The following ADAMTS6 variants were observed in gnomAD, a reference collection of about 807,000 sequenced individuals.
The protein encoded by ADAMTS6 is ADAM metallopeptidase with thrombospondin type 1 motif 6.
ADAMTS6 carries 23 observed loss-of-function variants against 144.3 expected under a neutral mutation model. The observed-to-expected ratio is 0.16, with a 90% confidence interval of 0.11 to 0.23. The LOEUF is 0.23. ADAMTS6 is among the 10% of genes least tolerant of loss of function. ADAMTS6 has a pLI of 1.00. For missense variants in ADAMTS6, 999 were observed against 1,379.6 expected, an observed-to-expected ratio of 0.72 and a Z score of 4.37; for synonymous variants, 444 against 457.5, an observed-to-expected ratio of 0.97 and a Z score of 0.38.
At chr5:65,328,831 A>T (rs2150056252) in intron 9 of ADAMTS6, among the ~76,000 whole-genome samples, 1 of 152,164 alleles carries the variant, frequency 6.6e-6, no homozygotes, top group East Asian at 1.9e-4. Flanking sequence ...CACTTAAAAC[A>T]AACATTAAAA....
At chr5:65,396,948 C>G (rs1377899538) in intron 7 of ADAMTS6, among the ~76,000 whole-genome samples, 3 of 152,168 alleles carry the variant, frequency 2.0e-5, no homozygotes, top group African/African-American at 7.2e-5. Context: ...CAGAATTCAC[C>G]AGTGACTATC....
At chr5:65,318,066 C>A (rs1194569688) in intron 9 of ADAMTS6, among the ~76,000 whole-genome samples, 1 of 135,570 alleles carries the variant, frequency 7.4e-6, no homozygotes, top group Non-Finnish European at 1.5e-5. Context: ...CAGAGCAAGA[C>A]TCCATCTCAA....
At chr5:65,457,631 A>G (rs1434558518) in intron 4 of ADAMTS6, among the ~76,000 whole-genome samples, 1 of 152,182 alleles carries the variant, frequency 6.6e-6, no homozygotes, top group Non-Finnish European at 1.5e-5. Flanking sequence ...TTTTTGCAAA[A>G]GGTGATCTTC....
At chr5:65,326,040 A>T (rs1169219510) in intron 9 of ADAMTS6, among the ~76,000 whole-genome samples, 2 of 152,278 alleles carry the variant, frequency 1.3e-5, no homozygotes, top group Admixed American at 1.3e-4. Context: ...CTTTTAAAAG[A>T]AAATCCTGGA....
At chr5:65,191,705 AT>A (rs1046080746) in intron 21 of ADAMTS6, among the ~76,000 whole-genome samples, 2 of 151,990 alleles carry the variant, frequency 1.3e-5, no homozygotes, top group Non-Finnish European at 1.5e-5. Flanking sequence ...AATAAAAAGA[AT>A]TTTTTTTCAT....
In ADAMTS6 at chr5:65,188,019, A is replaced by T; in HGVS notation, c.2907T>A (p.Ser969=). The change falls in exon 22 of 25, where the codon TCT becomes TCA. Residue 969 remains serine (S), a synonymous_variant. Coordinates refer to ENST00000381055, the MANE Select transcript of ADAMTS6 (RefSeq NM_197941.4). ...CPPQWVALDW[S]ECTPKCGPGF... is the part of the protein sequence containing the mutation. ...ATATAGCCTCAGATTTCCTTACCTC[A>T]GACCAGTCCAAAGCCACCCACTGTG... is the stretch of plus-strand genomic sequence containing the variant. 1 of 1,614,092 alleles carries T rather than the reference A, an allele frequency of 6.2e-7. No homozygotes were observed. The highest frequency in any genetic ancestry group is 8.5e-7 in the Non-Finnish European group (1 of 1,179,950).
At chr5:65,476,817 G>C (rs558308359) in intron 1 of ADAMTS6, among the ~76,000 whole-genome samples, 1 of 152,138 alleles carries the variant, frequency 6.6e-6, no homozygotes, top group East Asian at 1.9e-4. Flanking sequence ...GTTTCACCGT[G>C]TTAGCCAGGA....
intron 7 of ADAMTS6, among the ~76,000 whole-genome samples, chr5:65,358,257 A>C (rs191047814): frequency 7.2e-5 from 11 of 152,106 alleles, no homozygotes; most frequent in Admixed American, 7.2e-4. Flanking sequence ...GCATTTGACA[A>C]AATCAACAAT....
At chr5:65,269,058 C>T (rs1272284980) in intron 12 of ADAMTS6, among the ~76,000 whole-genome samples, 2 of 152,134 alleles carry the variant, frequency 1.3e-5, no homozygotes, top group Non-Finnish European at 2.9e-5. Context: ...GTGAATATTT[C>T]ATCCATTTCT....
rs545499706 is a variant in ADAMTS6, at chr5:65,181,010, T to G, written c.2910+7006A>C. Among the ~76,000 whole-genome samples the G allele has an allele frequency of 7.0e-4, 106 of 152,202 alleles. 1 individual carries two copies. The highest frequency in any genetic ancestry group is 2.3e-3 in the African/African-American group (97 of 41,534). ...CTATAATTTATATAGTCCTTACAAC[T>G]CTCCTATGAGGTGGCAATTATTATT... On this transcript the variant is annotated intron_variant, in intron 22 of 24. Coordinates refer to ENST00000381055, the MANE Select transcript of ADAMTS6 (RefSeq NM_197941.4).
rs151314376 is a variant in ADAMTS6, at chr5:65,369,639, A to C, written c.1074-35554T>G. 5.7e-3 allele frequency among the ~76,000 whole-genome samples: 871 copies of C among 152,200 alleles called. 6 individuals carry two copies. Among genetic ancestry groups the C allele is most frequent in the African/African-American group, 0.02 (827 of 41,504 alleles). Reference sequence around the variant, plus strand: ...ACTAATAAATCAAGAAATTCTAAGCACTCATATAGCCTTATGATATCTCAT... The same window carrying C: ...ACTAATAAATCAAGAAATTCTAAGCCCTCATATAGCCTTATGATATCTCAT... On this transcript the variant is annotated intron_variant, in intron 7 of 24. Coordinates refer to ENST00000381055, the MANE Select transcript of ADAMTS6 (RefSeq NM_197941.4).
rs138351014 is a variant in ADAMTS6, at chr5:65,246,696, G to A, written c.1831-4490C>T. Among the ~76,000 whole-genome samples the A allele has an allele frequency of 2.1e-3, 320 of 152,264 alleles. 2 individuals carry two copies. Among genetic ancestry groups the A allele is most frequent in the African/African-American group, 7.3e-3 (304 of 41,566 alleles). ...CCTGAGGCAGGAGTGTATTCAGGGT[G>A]TTCACAGAATAGTATAGAGAATGGA... is the stretch of plus-strand genomic sequence containing the variant. On this transcript the variant is annotated intron_variant, in intron 14 of 24. Transcript: ENST00000381055.
intron 7 of ADAMTS6, among the ~76,000 whole-genome samples, chr5:65,423,980 G>A (rs905862071): frequency 2.0e-5 from 3 of 151,138 alleles, no homozygotes; most frequent in African/African-American, 7.3e-5. Context: ...TAAATATCAC[G>A]ATTAAAAAAA....
At chr5:65,206,438 A>G (rs901896444) in intron 20 of ADAMTS6, among the ~76,000 whole-genome samples, 1 of 152,168 alleles carries the variant, frequency 6.6e-6, no homozygotes, top group Admixed American at 6.5e-5. Context: ...CACAACATGT[A>G]TAAGAATCCA....
chr5:65,337,861 G>C (rs865940561), intron 7 of ADAMTS6, among the ~76,000 whole-genome samples: 1 of 152,082 alleles, frequency 6.6e-6, no homozygotes, highest in African/African-American at 2.4e-5. Flanking sequence ...AAGGAGTCTC[G>C]CTTTATCCCA....
At chr5:65,440,014 C>T (rs1757743909) in intron 7 of ADAMTS6, among the ~76,000 whole-genome samples, 2 of 151,928 alleles carry the variant, frequency 1.3e-5, no homozygotes, top group African/African-American at 4.8e-5. Context: ...TGCCATGTTA[C>T]CCAGTGTGGT....
At chr5:65,430,727 C>T (rs529279500) in intron 7 of ADAMTS6, among the ~76,000 whole-genome samples, 1 of 152,292 alleles carries the variant, frequency 6.6e-6, no homozygotes, top group Non-Finnish European at 1.5e-5. Flanking sequence ...AGCGTGTTTT[C>T]AGACTCTTGT....
At chr5:65,173,721 C>T (rs1753765000) in intron 22 of ADAMTS6, among the ~76,000 whole-genome samples, 1 of 152,086 alleles carries the variant, frequency 6.6e-6, no homozygotes, top group African/African-American at 2.4e-5. Context: ...TGTCTGGACC[C>T]TTCCTTAAAA....
chr5:65,346,037 C>T (rs1203062605), intron 7 of ADAMTS6, among the ~76,000 whole-genome samples: 1 of 151,872 alleles, frequency 6.6e-6, no homozygotes, highest in African/African-American at 2.4e-5. Flanking sequence ...ATGAAATCTT[C>T]TGCTGCATCC....
Sources: gnomAD v4.1 joint callset for allele counts (sites outside exome capture counted in the v4.1 genomes callset) on GRCh38, gnomAD v4.1.1 for gene constraint, MANE v1.5 for transcripts, NCBI Gene and HGNC (gene_info 2026-07-23, HGNC 2026-07-21) for gene names.